Variants in FHIP1A observed in about 807,000 individuals in gnomAD.
FHIP1A encodes FHF complex subunit HOOK-interacting protein 1A.
A neutral mutation model predicts 88.6 loss-of-function variants in FHIP1A; 61 were observed. That is an observed-to-expected ratio of 0.69 (90% CI 0.56 to 0.85). The LOEUF is 0.85. FHIP1A is among the 40% of genes least tolerant of loss of function. FHIP1A has a pLI of 0.00. For missense variants in FHIP1A, 1,154 were observed against 1,273.5 expected, an observed-to-expected ratio of 0.91 and a Z score of 1.43; for synonymous variants, 478 against 496.0, an observed-to-expected ratio of 0.96 and a Z score of 0.48.
chr4:151,498,326 C>G (rs914704928), intron 3 of FHIP1A, among the ~76,000 whole-genome samples: 4 of 152,190 alleles, frequency 2.6e-5, no homozygotes, highest in Non-Finnish European at 5.9e-5. Flanking sequence ...CAACTTTCTT[C>G]CCTTCTGGGG....
intron 1 of FHIP1A, among the ~76,000 whole-genome samples, chr4:151,436,073 A>T (rs1324764665): frequency 6.6e-6 from 1 of 152,130 alleles, no homozygotes; most frequent in African/African-American, 2.4e-5. Context: ...TATTCCCCAA[A>T]AAGAAATGCA....
chr4:151,475,818 T>G (rs1313791670), intron 2 of FHIP1A, among the ~76,000 whole-genome samples: 1 of 150,980 alleles, frequency 6.6e-6, no homozygotes, highest in Non-Finnish European at 1.5e-5. Flanking sequence ...AAGTCATCTG[T>G]TTTTTTTTAT....
intron 5 of FHIP1A, among the ~76,000 whole-genome samples, chr4:151,578,540 G>C (rs550105466): frequency 8.5e-5 from 13 of 152,144 alleles, no homozygotes; most frequent in African/African-American, 1.4e-4. Context: ...AGGAACATGG[G>C]GGGGTGGAGT....
At chr4:151,496,001 G>A (rs1242336881) in intron 3 of FHIP1A, among the ~76,000 whole-genome samples, 4 of 152,022 alleles carry the variant, frequency 2.6e-5, no homozygotes, top group African/African-American at 4.8e-5. Flanking sequence ...TATGTCTACC[G>A]TTTTGATGAT....
chr4:151,576,372 A>G (rs1435808334), intron 4 of FHIP1A, among the ~76,000 whole-genome samples: 2 of 152,054 alleles, frequency 1.3e-5, no homozygotes, highest in East Asian at 1.9e-4. Flanking sequence ...CTGGAGTGCA[A>G]TGGCACCATC....
intron 3 of FHIP1A, among the ~76,000 whole-genome samples, chr4:151,483,947 TA>T (rs1729988627): frequency 6.6e-6 from 1 of 152,194 alleles, no homozygotes; most frequent in African/African-American, 2.4e-5. Flanking sequence ...GACTAAGATT[TA>T]ATAATTGTTA....
chr4:151,438,841 G>A (rs927912737), intron 1 of FHIP1A, among the ~76,000 whole-genome samples: 1 of 151,708 alleles, frequency 6.6e-6, no homozygotes, highest in African/African-American at 2.4e-5. Context: ...ATGGGGTCTT[G>A]CTGTGTTGCT....
At chr4:151,437,707 G>A (rs1395366514) in intron 1 of FHIP1A, among the ~76,000 whole-genome samples, 1 of 152,092 alleles carries the variant, frequency 6.6e-6, no homozygotes, top group Non-Finnish European at 1.5e-5. Flanking sequence ...AGACCCATGG[G>A]TGGACACACC....
At chr4:151,477,343 C>T (rs1729744569) in intron 2 of FHIP1A, among the ~76,000 whole-genome samples, 1 of 152,096 alleles carries the variant, frequency 6.6e-6, no homozygotes, top group Admixed American at 6.5e-5. Flanking sequence ...CTATTTGCAG[C>T]AGTATCTCAA....
intron 3 of FHIP1A, among the ~76,000 whole-genome samples, chr4:151,495,230 T>C (rs28666858): frequency 0.52 from 78,927 of 151,938 alleles, 20,796 homozygotes; most frequent in African/African-American, 0.55. Context: ...GGGCCGAGTG[T>C]GGTGGCTCAC....
intron 5 of FHIP1A, among the ~76,000 whole-genome samples, chr4:151,584,283 G>C (rs1397479455): frequency 6.6e-6 from 1 of 152,074 alleles, no homozygotes; most frequent in African/African-American, 2.4e-5. Flanking sequence ...GTGTGGACTT[G>C]AATGAACAAG....
chr4:151,508,689 A>C (rs1669901240), intron 3 of FHIP1A, among the ~76,000 whole-genome samples: 1 of 152,176 alleles, frequency 6.6e-6, no homozygotes, highest in Non-Finnish European at 1.5e-5. Context: ...TCATGGGCTT[A>C]CCAAAAATAG....
chr4:151,643,419 ATATC>A (rs1736668513), intron 9 of FHIP1A, among the ~76,000 whole-genome samples: 1 of 152,168 alleles, frequency 6.6e-6, no homozygotes, highest in Non-Finnish European at 1.5e-5. Context: ...GATCATTAGG[ATATC>A]TATCATGTCA....
intron 3 of FHIP1A, among the ~76,000 whole-genome samples, chr4:151,533,381 C>T (rs1021655333): frequency 6.6e-6 from 1 of 151,888 alleles, no homozygotes; most frequent in African/African-American, 2.4e-5. Flanking sequence ...TGCCACTACA[C>T]TCCAGCCTAG....
chr4:151,459,361 T>G (rs539043049), intron 2 of FHIP1A, among the ~76,000 whole-genome samples: 1 of 152,286 alleles, frequency 6.6e-6, no homozygotes, highest in South Asian at 2.1e-4. Flanking sequence ...CAAATTTAGT[T>G]TCAAGAAACC....
intron 8 of FHIP1A, among the ~76,000 whole-genome samples, chr4:151,636,390 A>C (rs1010907698): frequency 1.5e-4 from 23 of 152,016 alleles, no homozygotes; most frequent in African/African-American, 5.5e-4. Context: ...AATTCTATTC[A>C]AGATGGTACT....
chr4:151,523,506 G>T (rs908331886), intron 3 of FHIP1A, among the ~76,000 whole-genome samples: 4 of 151,260 alleles, frequency 2.6e-5, no homozygotes, highest in African/African-American at 9.7e-5. Flanking sequence ...TTTGTTCTCT[G>T]TTTTTTTTTC....
intron 3 of FHIP1A, among the ~76,000 whole-genome samples, chr4:151,545,602 C>T (rs1007920996): frequency 1.3e-5 from 2 of 151,926 alleles, no homozygotes; most frequent in African/African-American, 4.8e-5. Flanking sequence ...TGGTCTCGAT[C>T]TCCTGACCTC....
intron 1 of FHIP1A, among the ~76,000 whole-genome samples, chr4:151,417,132 AGAAT>A (rs1436385000): frequency 1.3e-5 from 2 of 152,230 alleles, no homozygotes; most frequent in Non-Finnish European, 2.9e-5. Context: ...AAGCAAGGAA[AGAAT>A]GAAGCAACAA....
Sources: gnomAD v4.1 joint callset for allele counts (sites outside exome capture counted in the v4.1 genomes callset) on GRCh38, gnomAD v4.1.1 for gene constraint, MANE v1.5 for transcripts, NCBI Gene and HGNC (gene_info 2026-07-23, HGNC 2026-07-21) for gene names.